Variants in SUSD1 observed in about 807,000 individuals in gnomAD.
SUSD1 encodes sushi domain-containing protein 1.
SUSD1 carries 65 observed loss-of-function variants against 86.9 expected under a neutral mutation model. The ratio of observed to expected loss-of-function variants is 0.75; its 90% CI spans 0.61 to 0.92. SUSD1 has a LOEUF of 0.92. SUSD1 is among the 40% of genes least tolerant of loss of function. The probability of loss-of-function intolerance (pLI) is 0.00; values close to 1 mark genes in which losing one functional copy is unlikely to be tolerated. For synonymous variants in SUSD1, 346 were observed against 350.0 expected, an observed-to-expected ratio of 0.99 and a Z score of 0.13; for missense variants, 850 against 929.7, an observed-to-expected ratio of 0.91 and a Z score of 1.11.
At chr9:112,136,097 C>T (rs1303620202) in intron 5 of SUSD1, among the ~76,000 whole-genome samples, 1 of 152,214 alleles carries the variant, frequency 6.6e-6, no homozygotes, top group Non-Finnish European at 1.5e-5. Context: ...ATGGCATTTA[C>T]TTGGCAAAAG....
intron 2 of SUSD1, 71 bp downstream of exon 2, chr9:112,157,429 C>T: frequency 9.1e-7 from 1 of 1,100,270 alleles, no homozygotes; most frequent in Middle Eastern, 2.0e-4. Context: ...CCAAGGACAT[C>T]AACTCTTTAA....
chr9:112,054,965 T>G (rs1828384408), intron 14 of SUSD1, among the ~76,000 whole-genome samples: 1 of 152,216 alleles, frequency 6.6e-6, no homozygotes, highest in South Asian at 2.1e-4. Flanking sequence ...CCAGAATGTA[T>G]GGAGAACTCT....
rs538623114 is a variant in SUSD1 at position 112,143,141 on chromosome 9, C to T, written c.526+330G>A. ...CTGGGATTACAGGTGCCCACCACCA[C>T]ACCTGGCTATTTTTTTTTATTTTTA... On this transcript the variant is annotated intron_variant, in intron 4 of 16. Coordinates refer to ENST00000374270, the MANE Select transcript of SUSD1 (RefSeq NM_022486.5). Among the ~76,000 whole-genome samples, 44 of 151,422 alleles carry T rather than the reference C, an allele frequency of 2.9e-4. 2 individuals are homozygous for T. In the South Asian group the frequency reaches 8.4e-3, roughly 29 times the overall value.
At chr9:112,094,141 C>T (rs979283042) in intron 10 of SUSD1, among the ~76,000 whole-genome samples, 1 of 152,056 alleles carries the variant, frequency 6.6e-6, no homozygotes, top group African/African-American at 2.4e-5. Context: ...GGGATGGGGC[C>T]CAGGAACCAG....
intron 10 of SUSD1, among the ~76,000 whole-genome samples, chr9:112,092,550 G>T (rs539201990): frequency 6.6e-5 from 10 of 152,144 alleles, no homozygotes; most frequent in Non-Finnish European, 1.3e-4. Flanking sequence ...AAGTAAATAG[G>T]TTATAAGGGC....
intron 10 of SUSD1, among the ~76,000 whole-genome samples, chr9:112,088,329 G>A (rs116718208): frequency 0.015 from 2,258 of 152,184 alleles, 70 homozygotes; most frequent in African/African-American, 0.05. Context: ...GGGGCGAGGC[G>A]GAAGAGTGAT....
chr9:112,153,768 C>T (rs1293363595), intron 2 of SUSD1, among the ~76,000 whole-genome samples: 2 of 152,012 alleles, frequency 1.3e-5, no homozygotes, highest in South Asian at 4.2e-4. Flanking sequence ...CGCCTGCCAC[C>T]ATGCCTGGCT....
chr9:112,063,802 G>A (rs926082268), intron 12 of SUSD1, among the ~76,000 whole-genome samples: 1 of 152,136 alleles, frequency 6.6e-6, no homozygotes, highest in Non-Finnish European at 1.5e-5. Context: ...TCACACTAGA[G>A]ATGTTCTACA....
intron 12 of SUSD1, among the ~76,000 whole-genome samples, chr9:112,064,046 T>TTTTTTTTTTTTTTTTTTTTTTTTGGGG (rs1491139474): frequency 1.3e-5 from 1 of 78,656 alleles, no homozygotes; most frequent in Non-Finnish European, 3.0e-5. Context: ...TTTCTTTTTT[T>TTTTTTTTTTTTTTTTTTTTTTTTGGGG]GGGGGGGGGG....
At chr9:112,059,442 C>T (rs1362554299) in intron 13 of SUSD1, among the ~76,000 whole-genome samples, 6 of 152,110 alleles carry the variant, frequency 3.9e-5, no homozygotes, top group South Asian at 2.1e-4. Context: ...GTACTAAGTC[C>T]GGAAAAAAGG....
At chr9:112,167,870 T>A (rs2131856061) in intron 1 of SUSD1, among the ~76,000 whole-genome samples, 1 of 152,196 alleles carries the variant, frequency 6.6e-6, no homozygotes, top group East Asian at 1.9e-4. Flanking sequence ...AGCCTCACAG[T>A]CATGGCAGAA....
At chr9:112,059,964 G>A (rs1167856882) in intron 13 of SUSD1, among the ~76,000 whole-genome samples, 3 of 102,316 alleles carry the variant, frequency 2.9e-5, no homozygotes, top group African/African-American at 7.5e-5. Context: ...CCGCCCCTCC[G>A]CCACCAGCAA....
At chr9:112,115,897 C>G (rs1202986930) in intron 6 of SUSD1, among the ~76,000 whole-genome samples, 1 of 151,744 alleles carries the variant, frequency 6.6e-6, no homozygotes, top group Non-Finnish European at 1.5e-5. Context: ...TTCAGTTCGC[C>G]CCCTTGGGTA....
At chr9:112,052,992 G>GT (rs570173970) in intron 14 of SUSD1, among the ~76,000 whole-genome samples, 5 of 152,266 alleles carry the variant, frequency 3.3e-5, no homozygotes, top group Middle Eastern at 3.4e-3. Context: ...TATAGATTCA[G>GT]TGGAATGAAT....
chr9:112,131,796 C>G (rs929460308), intron 5 of SUSD1, among the ~76,000 whole-genome samples: 1 of 152,176 alleles, frequency 6.6e-6, no homozygotes, highest in Non-Finnish European at 1.5e-5. Flanking sequence ...TGGCTAATTA[C>G]GTTATTAAGT....
intron 15 of SUSD1, among the ~76,000 whole-genome samples, chr9:112,051,198 G>A (rs1251265104): frequency 6.6e-6 from 1 of 152,124 alleles, no homozygotes; most frequent in Non-Finnish European, 1.5e-5. Context: ...GTTTGAGATT[G>A]GTTAAATTTG....
intron 1 of SUSD1, among the ~76,000 whole-genome samples, chr9:112,166,610 G>A (rs1174041917): frequency 6.6e-6 from 1 of 152,166 alleles, no homozygotes; most frequent in East Asian, 1.9e-4. Context: ...GCACAGCTGT[G>A]GGACAAATGT....
chr9:112,088,745 T>C (rs1205259720), intron 10 of SUSD1, among the ~76,000 whole-genome samples: 2 of 152,128 alleles, frequency 1.3e-5, no homozygotes, highest in African/African-American at 4.8e-5. Context: ...TGAGCTATGA[T>C]CATGCCACTG....
chr9:112,115,174 G>C (rs1290380639), intron 6 of SUSD1, among the ~76,000 whole-genome samples: 2 of 152,180 alleles, frequency 1.3e-5, no homozygotes, highest in Non-Finnish European at 2.9e-5. Context: ...CTGCACCTTA[G>C]GTACCTGTAG....
Sources: allele counts gnomAD v4.1 joint callset (sites outside exome capture counted in the v4.1 genomes callset), GRCh38; gene constraint gnomAD v4.1.1; transcripts MANE v1.5; gene names NCBI Gene and HGNC (gene_info 2026-07-23, HGNC 2026-07-21).